Variants in XIST observed in about 807,000 individuals in gnomAD.
XIST encodes the protein X inactive specific transcript (non-protein coding).
exon 6 of XIST, chrX:73,826,856 C>T (rs1446079320): frequency 1.8e-6 from 1 of 556,647 alleles, no homozygotes; most frequent in African/African-American, 2.2e-5. Context: ...GGCCTTGTGT[C>T]ACAAGTCTCA....
chrX:73,844,858 TG>T, exon 1 of XIST: 1 of 555,920 alleles, frequency 1.8e-6, no homozygotes, highest in Admixed American at 2.2e-5. Context: ...CACTTAGAAT[TG>T]TGCACCTTGA....
At chrX:73,842,616 A>T (rs755135401) in exon 1 of XIST, 6 of 556,701 alleles carry the variant, frequency 1.1e-5, no homozygotes, top group African/African-American at 9.0e-5. Context: ...AAAATGGGAC[A>T]ATCAGTACTG....
At chrX:73,843,655 C>G in exon 1 of XIST, 1 of 558,472 alleles carries the variant, frequency 1.8e-6, no homozygotes, top group Admixed American at 2.2e-5. Context: ...TCCCCCTGCT[C>G]TAAAGCAAAG....
In XIST at chrX:73,843,469, CA is replaced by C. The variant is rs759637071; in HGVS notation, n.9254del. 4.7e-4 allele frequency: 262 copies of C among 556,266 alleles called. 2 individuals are homozygous for C. In the South Asian group the frequency reaches 5.7e-3, roughly 12 times the overall value. 45.8% of individuals were successfully genotyped at this position (556,266 alleles called of 1,213,427 possible). ...AGGAACATAGGGTCTTTTTCTCCTA[CA>C]CAGGTCCACAAATACAATTATGACA... On this transcript the variant is annotated non_coding_transcript_exon_variant, in exon 1 of 6. Coordinates refer to ENST00000429829, the Ensembl canonical transcript of XIST.
exon 3 of XIST, chrX:73,833,364 C>A (rs1025484511): frequency 1.8e-5 from 10 of 550,407 alleles, no homozygotes; most frequent in Admixed American, 4.5e-5. Context: ...GTCTCACATG[C>A]TCAGAATGTC....
rs150561547 is a variant in XIST, at chrX:73,851,795, G to A, written n.929C>T. 1,317 of 556,790 alleles carry A rather than the reference G, an allele frequency of 2.4e-3. 5 individuals carry two copies. Among genetic ancestry groups the A allele is most frequent in the East Asian group, 0.02 (624 of 30,711 alleles). 45.9% of individuals were successfully genotyped at this position (556,790 alleles called of 1,213,427 possible). ...ACTTAGCACAAACGACTAGCCCTAA[G>A]CCGAGTTATGCGGCAAGTCTAAAAT... On this transcript the variant is annotated non_coding_transcript_exon_variant, in exon 1 of 6. Coordinates refer to ENST00000429829, the Ensembl canonical transcript of XIST.
At chrX:73,827,170 T>C (rs1402299137) in exon 6 of XIST, 1 of 558,743 alleles carries the variant, frequency 1.8e-6, no homozygotes, top group South Asian at 2.2e-5. Flanking sequence ...GGCCTTGTTT[T>C]GGTCTTGGAT....
Position 73,825,203 on chromosome X carries a change from A to T in XIST, n.14698T>A, listed in dbSNP as rs758023261. 1.3e-5 allele frequency: 7 copies of T among 557,573 alleles called. No homozygotes were observed. The Admixed American group carries it at 1.6e-4, about 12-fold the overall frequency. 46.0% of individuals were successfully genotyped at this position (557,573 alleles called of 1,213,427 possible). A position where few individuals can be genotyped will look rare whatever the true frequency, so the allele number is the denominator to read the frequency against. ...ATTTTAAAGTTTAAAAGCAGTTTCC[A>T]TGTGTTTTCGTTTCTGATACCTGGA... is the stretch of plus-strand genomic sequence containing the variant. On this transcript the variant is annotated non_coding_transcript_exon_variant, in exon 6 of 6. Transcript: ENST00000429829.
chrX:73,848,341 G>A (rs965060746), exon 1 of XIST: 5 of 554,097 alleles, frequency 9.0e-6, no homozygotes, highest in Non-Finnish European at 1.6e-5. Context: ...CCCTCTTGAT[G>A]TAAAGCAAAG....
At chrX:73,847,972 CAT>C (rs1491372001) in exon 1 of XIST, 1 of 559,173 alleles carries the variant, frequency 1.8e-6, no homozygotes, top group Admixed American at 2.2e-5. Flanking sequence ...CCATGGTTCA[CAT>C]TAACTATCCT....
In XIST at chrX:73,847,601, T is replaced by C. The variant is rs150031293; in HGVS notation, n.5123A>G. 47 of 512,840 alleles carry C rather than the reference T, an allele frequency of 9.2e-5. No individual in the cohort carries two copies. The African/African-American group carries it at 9.3e-4, about 10-fold the overall frequency. 42.3% of individuals were successfully genotyped at this position (512,840 alleles called of 1,213,427 possible). ...CTTCTATGATGCTGAGAAGTCAAGA[T>C]ATTAGCTTGATATAAAAGCTAGATA... On this transcript the variant is annotated non_coding_transcript_exon_variant, in exon 1 of 6. Transcript: ENST00000429829.
exon 1 of XIST, chrX:73,847,542 A>G: frequency 1.9e-6 from 1 of 514,388 alleles, no homozygotes; most frequent in Non-Finnish European, 3.5e-6. Flanking sequence ...TGCATAATAG[A>G]AATTCAAGAA....
At chrX:73,820,798 CAA>C (rs750206636) in exon 6 of XIST, 8 of 557,852 alleles carry the variant, frequency 1.4e-5, no homozygotes, top group South Asian at 6.7e-5. Context: ...AGCAAAGACT[CAA>C]AAGAGATTCT....
chrX:73,820,999 G>A (rs758440880), exon 6 of XIST: 1 of 558,896 alleles, frequency 1.8e-6, no homozygotes, highest in Non-Finnish European at 3.2e-6. Flanking sequence ...TCTTATTCTT[G>A]TTTAATCAGT....
At chrX:73,846,540 TGGAATGA>T (rs1922776630) in exon 1 of XIST, 1 of 557,458 alleles carries the variant, frequency 1.8e-6, no homozygotes, top group African/African-American at 2.2e-5. Context: ...CTTATTCACA[TGGAATGA>T]GCAGTGTGCG....
At chrX:73,823,964 G>A (rs1198411122) in exon 6 of XIST, 1 of 551,591 alleles carries the variant, frequency 1.8e-6, no homozygotes, top group Non-Finnish European at 3.3e-6. Flanking sequence ...ATTCCTATCT[G>A]TATAGAACTG....
exon 1 of XIST, chrX:73,848,027 A>AG (rs762634429): frequency 1.8e-6 from 1 of 559,347 alleles, no homozygotes; most frequent in Admixed American, 2.2e-5. Flanking sequence ...GCTGAACACT[A>AG]GGGAAGTGAG....
exon 1 of XIST, chrX:73,845,271 G>C (rs1922718230): frequency 3.6e-6 from 2 of 552,434 alleles, no homozygotes; most frequent in Non-Finnish European, 6.5e-6. Flanking sequence ...ACAGGAACTG[G>C]AACAAATATA....
chrX:73,845,442 G>A (rs1437928375), exon 1 of XIST: 2 of 554,714 alleles, frequency 3.6e-6, no homozygotes, highest in Non-Finnish European at 6.5e-6. Context: ...TTACAATTGT[G>A]CACCTTGATT....
Sources: gnomAD v4.1 joint callset for allele counts on GRCh38, gnomAD v4.1.1 for gene constraint, MANE v1.5 for transcripts, NCBI Gene and HGNC (gene_info 2026-07-23, HGNC 2026-07-21) for gene names.